The following SERAC1 variants were observed in gnomAD, a reference collection of about 807,000 sequenced individuals.
The protein encoded by SERAC1 is serine active site containing 1.
SERAC1 carries 36 observed loss-of-function variants against 85.7 expected under a neutral mutation model. That is an observed-to-expected ratio of 0.42 (90% CI 0.32 to 0.55). The LOEUF (loss-of-function observed/expected upper bound fraction) is 0.55. Among genes scored for constraint, SERAC1 ranks in the 20% least tolerant of loss-of-function variants. SERAC1 has a pLI of 0.11. For synonymous variants in SERAC1, 242 were observed against 265.3 expected (o/e 0.91, Z 0.85); for missense variants, 629 against 796.2 (o/e 0.79, Z 2.53).
intron 3 of SERAC1, among the ~76,000 whole-genome samples, chr6:158,151,990 C>A (rs566374874): frequency 6.6e-6 from 1 of 152,192 alleles, no homozygotes; most frequent in Non-Finnish European, 1.5e-5. Context: ...GGGGTCATGT[C>A]ATCCTCCTGC....
chr6:158,137,921 G>A (rs1284275503), intron 8 of SERAC1, among the ~76,000 whole-genome samples: 1 of 152,064 alleles, frequency 6.6e-6, no homozygotes, highest in African/African-American at 2.4e-5. Flanking sequence ...AAAAACTTTG[G>A]TTAGGGGAAG....
chr6:158,162,895 C>A (rs951144311), intron 1 of SERAC1, among the ~76,000 whole-genome samples: 1 of 152,084 alleles, frequency 6.6e-6, no homozygotes, highest in African/African-American at 2.4e-5. Context: ...GTAGTCCCCT[C>A]CCACGGTGAC....
chr6:158,139,121 T>G (rs1300539944), intron 8 of SERAC1, among the ~76,000 whole-genome samples: 2 of 151,970 alleles, frequency 1.3e-5, no homozygotes, highest in Non-Finnish European at 2.9e-5. Context: ...CCCAGGCTGT[T>G]CTCAAACTCC....
intron 4 of SERAC1, among the ~76,000 whole-genome samples, chr6:158,149,300 T>C (rs1785150139): frequency 6.6e-6 from 1 of 152,220 alleles, no homozygotes; most frequent in Non-Finnish European, 1.5e-5. Flanking sequence ...CCCAAGAATG[T>C]ATTCTTAACA....
chr6:158,130,332 A>G lies in SERAC1; in HGVS notation c.852+41T>C, dbSNP rs2128415836. 5 of 1,160,072 alleles carry G rather than the reference A, an allele frequency of 4.3e-6. No homozygotes were observed. In the East Asian group the frequency reaches 1.3e-4, roughly 31 times the overall value. The allele number at this position is 1,160,072 out of a possible 1,614,324, so 71.9% of individuals were successfully genotyped here. On this transcript the variant is annotated intron_variant, in intron 9 of 16. Coordinates refer to ENST00000647468, the MANE Select transcript of SERAC1 (RefSeq NM_032861.4). ...ATCAACCTATATAATTATTTCAATA[A>G]AATCATAAAAAGTAAACTACATTTT...
At chr6:158,138,568 G>A (rs1784848748) in intron 8 of SERAC1, among the ~76,000 whole-genome samples, 1 of 152,062 alleles carries the variant, frequency 6.6e-6, no homozygotes, top group African/African-American at 2.4e-5. Context: ...CGTCAGGCCA[G>A]GTCTCAGGAG....
At chr6:158,156,906 A>ATG (rs1399707986) in intron 2 of SERAC1, among the ~76,000 whole-genome samples, 5 of 93,362 alleles carry the variant, frequency 5.4e-5, no homozygotes, top group Admixed American at 2.3e-4. Flanking sequence ...ATAGATATTA[A>ATG]TATATTTATA....
chr6:158,116,581 C>CTT (rs1236656055), intron 13 of SERAC1: 1 of 296,896 alleles, frequency 3.4e-6, no homozygotes, highest in African/African-American at 2.2e-5. Context: ...CTATTTGTAA[C>CTT]TTATTAACAT....
In SERAC1 at chr6:158,110,422, T is replaced by C. The variant is rs1337607375; in HGVS notation, c.*944A>G. ...AACAAAACAAAAATGAATTGTATAA[T>C]TTAAAAGGGTGAATCTTATGGTATG... On this transcript the variant is annotated 3_prime_UTR_variant, in exon 17 of 17. Coordinates refer to ENST00000647468, the MANE Select transcript of SERAC1 (RefSeq NM_032861.4). 1 of 152,062 alleles carries C rather than the reference T, an allele frequency of 6.6e-6. No individual in the cohort carries two copies. The highest frequency in any genetic ancestry group is 2.4e-5 in the African/African-American group (1 of 41,402). The allele number at this position is 152,062 out of a possible 1,614,324, so 9.4% of individuals were successfully genotyped here.
chr6:158,114,792 T>C lies in SERAC1; in HGVS notation c.1681A>G (p.Lys561Glu). The part of the protein sequence containing the change: ...FPSLEVKELS[K>E]DSPALKTLQD... The stretch of plus-strand genomic sequence containing the variant: ...CCTTTATGACAAAAAGTATTACCCT[T>C]GCTGAGTTCTTTGACTTCCAACGAG... Residue 561 changes from lysine (K) to glutamate (E), a missense_variant, in exon 15 of 17, where the codon AAG becomes GAG. Physicochemically the swap from Lys to Glu is moderately conservative, Grantham distance 56. Transcript: ENST00000647468. 6.2e-7 allele frequency: 1 copy of C among 1,613,918 alleles called. No individual in the cohort carries two copies. The highest frequency in any genetic ancestry group is 8.5e-7 in the Non-Finnish European group (1 of 1,179,826).
chr6:158,157,805 C>T (rs2128424730), intron 2 of SERAC1, among the ~76,000 whole-genome samples: 1 of 152,224 alleles, frequency 6.6e-6, no homozygotes, highest in South Asian at 2.1e-4. Flanking sequence ...TCTATACTGA[C>T]CCTATGAAAT....
chr6:158,163,790 G>A (rs1294178616), intron 1 of SERAC1, among the ~76,000 whole-genome samples: 3 of 152,082 alleles, frequency 2.0e-5, no homozygotes, highest in Admixed American at 2.0e-4. Flanking sequence ...AGGATGGAGT[G>A]CAGTGGCCTG....
At chr6:158,152,112 T>C (rs1250385517) in intron 3 of SERAC1, among the ~76,000 whole-genome samples, 2 of 152,114 alleles carry the variant, frequency 1.3e-5, no homozygotes, top group Non-Finnish European at 2.9e-5. Flanking sequence ...GGTGCAGTGG[T>C]GCATGCCTGT....
Position 158,111,423 on chromosome 6 carries a change from C to CA in SERAC1, c.1907dup (p.Leu636PhefsTer11). The CA allele has an allele frequency of 6.2e-7, 1 of 1,610,874 alleles. No individual in the cohort carries two copies. The highest frequency in any genetic ancestry group is 8.5e-7 in the Non-Finnish European group (1 of 1,179,000). ...GAATGAATTGTAAAGTACGCTGGTA[C>CA]AAAAAAGCATCCTTTTTCTTTGGCT... On this transcript the variant is annotated frameshift_variant, in exon 17 of 17. Transcript: ENST00000647468. LOFTEE classifies it high-confidence loss of function.
chr6:158,110,731 A>T lies in SERAC1; in HGVS notation c.*635T>A, dbSNP rs574574461. ...GCATAGGCAGCTACAGTCTGAAAAG[A>T]ATTATTATAAGCTAGAATTTTTCTA... is the stretch of plus-strand genomic sequence containing the variant. On this transcript the variant is annotated 3_prime_UTR_variant, in exon 17 of 17. Coordinates refer to ENST00000647468, the MANE Select transcript of SERAC1 (RefSeq NM_032861.4). 9 of 152,356 alleles carry T rather than the reference A, an allele frequency of 5.9e-5. No homozygotes were observed. The East Asian group carries it at 1.7e-3, about 29-fold the overall frequency. The allele number at this position is 152,356 out of a possible 1,614,324, so 9.4% of individuals were successfully genotyped here.
chr6:158,113,688 C>CTGAT, intron 15 of SERAC1, 96 bp from the exon 16 acceptor site: 1 of 1,160,916 alleles, frequency 8.6e-7, no homozygotes, highest in Non-Finnish European at 1.2e-6. Context: ...AATTAGAATT[C>CTGAT]TGATTCAAGA....
chr6:158,156,885 A>G (rs1002684605), intron 2 of SERAC1, among the ~76,000 whole-genome samples: 2 of 130,750 alleles, frequency 1.5e-5, no homozygotes, highest in Admixed American at 8.1e-5. Context: ...TATAGATATT[A>G]ATATATTTAT....
Position 158,120,345 on chromosome 6 carries a change from G to T in SERAC1, c.1166+80C>A. ...AAGTTATTTAACTTATCTGAATTAT[G>T]CAGAAATAAGTTAAAAATTTGAGGC... is the stretch of plus-strand genomic sequence containing the variant. On this transcript the variant is annotated intron_variant, in intron 11 of 16. Coordinates refer to ENST00000647468, the MANE Select transcript of SERAC1 (RefSeq NM_032861.4). This position sits in a 1 kb window ranked among gnomAD's most constrained non-coding sequence, Gnocchi z 4.4. The T allele has an allele frequency of 7.4e-7, 1 of 1,349,398 alleles. No individual in the cohort carries two copies. Among genetic ancestry groups the T allele is most frequent in the Non-Finnish European group, 1.0e-6 (1 of 996,660 alleles). 83.6% of individuals were successfully genotyped at this position (1,349,398 alleles called of 1,614,324 possible).
chr6:158,156,843 T>C (rs1302698650), intron 2 of SERAC1, among the ~76,000 whole-genome samples: 1 of 136,442 alleles, frequency 7.3e-6, no homozygotes, highest in Non-Finnish European at 1.5e-5. Context: ...TATATAAATA[T>C]ATTTTATATA....
Sources: allele counts gnomAD v4.1 joint callset (sites outside exome capture counted in the v4.1 genomes callset), GRCh38; gene constraint gnomAD v4.1.1; non-coding constraint Gnocchi (gnomAD v3.1); transcripts MANE v1.5; gene names NCBI Gene and HGNC (gene_info 2026-07-23, HGNC 2026-07-21).